The following FRMD4A variants were observed in gnomAD, a reference collection of about 807,000 sequenced individuals.
FRMD4A encodes FERM domain-containing protein 4A.
Under a neutral mutation model 129.1 loss-of-function variants are expected in FRMD4A, and 29 were observed. The observed-to-expected ratio is 0.22, with a 90% CI of 0.17 to 0.31. The LOEUF is 0.31. Among genes scored for constraint, FRMD4A ranks in the 10% least tolerant of loss-of-function variants. The probability of loss-of-function intolerance (pLI) is 1.00; values close to 1 mark genes in which losing one functional copy is unlikely to be tolerated. For synonymous variants in FRMD4A, 634 were observed against 571.6 expected (o/e 1.11, Z -1.56); for missense variants, 1,272 against 1,375.8 (o/e 0.92, Z 1.19).
At chr10:13,999,009 AC>A (rs1257397155) in intron 2 of FRMD4A, among the ~76,000 whole-genome samples, 2 of 150,692 alleles carry the variant, frequency 1.3e-5, no homozygotes, top group African/African-American at 2.4e-5. Context: ...ACTTCTGACC[AC>A]CCCCATCTCA....
chr10:13,653,565 G>C (rs2081866644), intron 23 of FRMD4A: 1 of 152,278 alleles, frequency 6.6e-6, no homozygotes, highest in East Asian at 1.9e-4. Flanking sequence ...CTTTTCTCAT[G>C]ATTCAACTCA....
intron 2 of FRMD4A, among the ~76,000 whole-genome samples, chr10:14,285,750 T>A (rs1845661370): frequency 1.3e-5 from 2 of 152,264 alleles, no homozygotes; most frequent in Admixed American, 1.3e-4. Flanking sequence ...CCTTGTTGAC[T>A]TCCTTCCCCT....
chr10:13,982,074 C>T (rs1002979986), intron 2 of FRMD4A, among the ~76,000 whole-genome samples: 3 of 152,214 alleles, frequency 2.0e-5, no homozygotes, highest in African/African-American at 7.2e-5. Context: ...TAGAATCCCT[C>T]TTCCCCAAGG....
chr10:14,309,522 TAG>T (rs1846467235), intron 2 of FRMD4A, among the ~76,000 whole-genome samples: 1 of 152,096 alleles, frequency 6.6e-6, no homozygotes, highest in Admixed American at 6.5e-5. Context: ...CTCAGAGAAT[TAG>T]AACTTCAGAG....
intron 23 of FRMD4A, chr10:13,652,946 C>T (rs994810760): frequency 1.3e-5 from 2 of 152,190 alleles, no homozygotes; most frequent in African/African-American, 4.8e-5. Context: ...TGGGGAAAGA[C>T]AGGGTTTGGG....
intron 2 of FRMD4A, among the ~76,000 whole-genome samples, chr10:14,216,320 A>G (rs1488440848): frequency 1.3e-5 from 2 of 152,110 alleles, no homozygotes; most frequent in Non-Finnish European, 2.9e-5. Flanking sequence ...CTTCAAGGTA[A>G]ATTAACAGGA....
rs143163917 is a variant in FRMD4A at position 13,793,648 on chromosome 10, C to T, written c.299+2848G>A. On this transcript the variant is annotated intron_variant, in intron 5 of 24. Coordinates refer to ENST00000357447, the MANE Select transcript of FRMD4A (RefSeq NM_018027.5). ...CTGGAGTGGGGAGGCTGCTCAGAGC[C>T]CAACCGTGCTTCTGTTTAGAAACAC... is the stretch of plus-strand genomic sequence containing the variant. 7.3e-3 allele frequency among the ~76,000 whole-genome samples: 1,110 copies of T among 152,214 alleles called. 14 individuals are homozygous for T. The highest frequency in any genetic ancestry group is 0.025 in the African/African-American group (1,036 of 41,514).
At chr10:14,174,400 G>GCGGT (rs1841623366) in intron 2 of FRMD4A, among the ~76,000 whole-genome samples, 6 of 152,168 alleles carry the variant, frequency 3.9e-5, no homozygotes, top group Admixed American at 1.3e-4. Flanking sequence ...TTTGAACCAA[G>GCGGT]AACAGTGATC....
rs536356146 is a variant in FRMD4A at position 13,723,873 on chromosome 10, G to A, written c.759+13971C>T. Among the ~76,000 whole-genome samples the A allele has an allele frequency of 1.2e-4, 18 of 152,344 alleles. No homozygotes were observed. The South Asian group carries it at 3.7e-3, about 32-fold the overall frequency. ...TCAGACGAACTGAAGCGGGGATGGA[G>A]CTCAGATGGGAGAATGGAGAGATTT... On this transcript the variant is annotated intron_variant, in intron 12 of 24. Coordinates refer to ENST00000357447, the MANE Select transcript of FRMD4A (RefSeq NM_018027.5).
At chr10:13,980,030 G>A (rs1164363305) in intron 2 of FRMD4A, among the ~76,000 whole-genome samples, 2 of 152,192 alleles carry the variant, frequency 1.3e-5, no homozygotes, top group Admixed American at 6.5e-5. Context: ...CTGGGGACCT[G>A]ATGAATGGGA....
intron 13 of FRMD4A, among the ~76,000 whole-genome samples, chr10:13,705,947 G>C (rs926602641): frequency 1.3e-5 from 2 of 152,154 alleles, no homozygotes; most frequent in Non-Finnish European, 2.9e-5. Context: ...CATTCCTACC[G>C]GGTTATCATG....
At chr10:14,193,209 T>TA (rs1212022878) in intron 2 of FRMD4A, among the ~76,000 whole-genome samples, 2 of 152,230 alleles carry the variant, frequency 1.3e-5, no homozygotes, top group African/African-American at 4.8e-5. Flanking sequence ...AACAGTACTT[T>TA]ACCTTGCTTT....
At chr10:13,940,800 A>G (rs2095285669) in intron 2 of FRMD4A, among the ~76,000 whole-genome samples, 1 of 152,196 alleles carries the variant, frequency 6.6e-6, no homozygotes, top group Admixed American at 6.5e-5. Flanking sequence ...TTTCTTATCT[A>G]TAGATTCATG....
chr10:13,683,135 C>G (rs1054981687), intron 15 of FRMD4A, among the ~76,000 whole-genome samples: 1 of 152,196 alleles, frequency 6.6e-6, no homozygotes, highest in Non-Finnish European at 1.5e-5. Flanking sequence ...TCTCCTGCCT[C>G]AGCCTCCCAT....
intron 4 of FRMD4A, among the ~76,000 whole-genome samples, chr10:13,797,460 C>T (rs2093145365): frequency 6.6e-6 from 1 of 152,102 alleles, no homozygotes; most frequent in African/African-American, 2.4e-5. Flanking sequence ...CGTGCAAAGG[C>T]CCCGGGGTGA....
At chr10:14,132,989 A>T (rs975173524) in intron 2 of FRMD4A, among the ~76,000 whole-genome samples, 6 of 152,208 alleles carry the variant, frequency 3.9e-5, no homozygotes, top group Admixed American at 6.5e-5. Context: ...AGGTAATCCT[A>T]TTTTATCCTC....
intron 2 of FRMD4A, among the ~76,000 whole-genome samples, chr10:14,158,588 G>C (rs921580298): frequency 1.3e-5 from 2 of 151,524 alleles, no homozygotes; most frequent in African/African-American, 4.9e-5. Flanking sequence ...TTCTGGTCTA[G>C]GTAACAGACA....
At position 13,850,217 on chromosome 10, in the gene FRMD4A, A is replaced by AG. The variant is rs568442407; in HGVS notation, c.111+8629dup. 2.2e-4 allele frequency among the ~76,000 whole-genome samples: 34 copies of AG among 152,290 alleles called. 1 individual carries two copies. In the South Asian group the frequency reaches 6.8e-3, roughly 31 times the overall value. The stretch of plus-strand genomic sequence containing the variant: ...GAGTGAGGCTCCATCTCAAAAAAAA[A>AG]GAGAACCAAGTTTATTCACCTATTT... On this transcript the variant is annotated intron_variant, in intron 3 of 24. Transcript: ENST00000357447.
At chr10:13,663,881 C>CA in intron 18 of FRMD4A, among the ~76,000 whole-genome samples, 1 of 152,228 alleles carries the variant, frequency 6.6e-6, no homozygotes, top group East Asian at 1.9e-4. Context: ...CCAAAGGACG[C>CA]AAACTGCTTT....
Sources: allele counts gnomAD v4.1 joint callset (sites outside exome capture counted in the v4.1 genomes callset), GRCh38; gene constraint gnomAD v4.1.1; transcripts MANE v1.5; gene names NCBI Gene and HGNC (gene_info 2026-07-23, HGNC 2026-07-21).